The following AMER3 variants were observed in gnomAD, a reference collection of about 807,000 sequenced individuals.
The protein encoded by AMER3 is APC membrane recruitment protein 3.
For missense variants in AMER3, 1,201 were observed against 1,139.4 expected (o/e 1.05, Z -0.78); for synonymous variants, 541 against 485.5 (o/e 1.11, Z -1.50).
chr2:130,761,986 G>A (rs1368192786), intron 1 of AMER3, 68 bp from the exon 2 acceptor site: 1 of 1,420,976 alleles, frequency 7.0e-7, no homozygotes, highest in African/African-American at 1.4e-5. Context: ...GAGAGGGGTA[G>A]GCAGGGTCTT....
chr2:130,759,856 A>C (rs1276836096), intron 1 of AMER3, among the ~76,000 whole-genome samples: 1 of 152,176 alleles, frequency 6.6e-6, no homozygotes, highest in Non-Finnish European at 1.5e-5. Flanking sequence ...AATGGGGGTT[A>C]CAGTAGTTTG....
chr2:130,767,934 C>T lies in AMER3; in HGVS notation c.*3276C>T, dbSNP rs143203691. On this transcript the variant is annotated 3_prime_UTR_variant, in exon 2 of 2. Coordinates refer to ENST00000321420, the MANE Select transcript of AMER3 (RefSeq NM_152698.3). ...TCACTGAGCTCCTGCAGTGAAGTCC[C>T]CCCTCAGAGCCCTCAGCCCTTCCTG... The T allele has an allele frequency of 3.5e-3, 587 of 167,234 alleles. 6 individuals are homozygous for T. Among genetic ancestry groups the T allele is most frequent in the African/African-American group, 0.013 (549 of 41,556 alleles). 10.4% of individuals were successfully genotyped at this position (167,234 alleles called of 1,614,324 possible). A position where few individuals can be genotyped will look rare whatever the true frequency, so the allele number is the denominator to read the frequency against.
intron 1 of AMER3, chr2:130,756,217 C>G (rs1678602894): frequency 6.8e-6 from 1 of 147,920 alleles, no homozygotes; most frequent in Admixed American, 6.7e-5. Flanking sequence ...CCCGACCCCG[C>G]GGGGCCCCTG....
At position 130,764,621 on chromosome 2, in the gene AMER3, G is replaced by A. The variant is rs1311290823; in HGVS notation, c.2549G>A (p.Gly850Glu). Residue 850 changes from glycine (G) to glutamate (E), a missense_variant, in exon 2 of 2, where the codon GGG becomes GAG. Coordinates refer to ENST00000321420, the MANE Select transcript of AMER3 (RefSeq NM_152698.3). ...EGLLCGQPEV[G>E]ASGPAMAEPH... The stretch of plus-strand genomic sequence containing the variant: ...CTCCTCTGTGGCCAGCCAGAAGTGG[G>A]GGCCTCTGGGCCAGCCATGGCTGAG... 2 of 1,608,078 alleles carry A rather than the reference G, an allele frequency of 1.2e-6. No individual in the cohort carries two copies. The highest frequency in any genetic ancestry group is 1.7e-6 in the Non-Finnish European group (2 of 1,178,690).
intron 1 of AMER3, among the ~76,000 whole-genome samples, chr2:130,761,760 G>A (rs368814755): frequency 6.6e-6 from 1 of 152,178 alleles, no homozygotes; most frequent in Admixed American, 6.5e-5. Flanking sequence ...TTTGTAGAAC[G>A]CTGGGCACTC....
rs1395510683 is a variant in AMER3, at chr2:130,763,225, G to C, written c.1153G>C (p.Glu385Gln). The C allele has an allele frequency of 6.2e-7, 1 of 1,613,842 alleles. No individual in the cohort carries two copies. Among genetic ancestry groups the C allele is most frequent in the South Asian group, 1.1e-5 (1 of 91,078 alleles). The change falls in exon 2 of 2, where the codon GAG becomes CAG. Residue 385 changes from glutamate (E) to glutamine (Q), a missense_variant. Transcript: ENST00000321420. ...EQPESVSTSD[E>Q]GYYDSFSPGL... The stretch of plus-strand genomic sequence containing the variant: ...GCCCGAATCCGTGTCCACAAGTGAC[G>C]AGGGCTACTATGATTCCTTCTCGCC...
Position 130,763,047 on chromosome 2 carries a change from A to C in AMER3, c.975A>C (p.Leu325=). 1 of 1,612,966 alleles carries C rather than the reference A, an allele frequency of 6.2e-7. No individual in the cohort carries two copies. Among genetic ancestry groups the C allele is most frequent in the Admixed American group, 1.7e-5 (1 of 59,984 alleles). The change falls in exon 2 of 2, where the codon CTA becomes CTC. Residue 325 remains leucine, a synonymous_variant. Coordinates refer to ENST00000321420, the MANE Select transcript of AMER3 (RefSeq NM_152698.3). Reference sequence around the variant, plus strand: ...TGCGTCAGCAGCAGCGTGCCCTCCTAGGCCCGTGGCTTTCAGGCCCCCAGG... The same window carrying C: ...TGCGTCAGCAGCAGCGTGCCCTCCTCGGCCCGTGGCTTTCAGGCCCCCAGG... ...RSVRQQQRAL[L]GPWLSGPQGT...
In AMER3 at chr2:130,763,531, T is replaced by C; in HGVS notation, c.1459T>C (p.Ser487Pro). Reference protein sequence around the residue: ...DLLSQGFLQSSWKGKECLLKL... With the variant: ...DLLSQGFLQSPWKGKECLLKL... ...GCTCAGCCAGGGCTTCCTACAGAGCTCCTGGAAGGGCAAGGAGTGCCTGCT... is the reference window on the plus strand; with the variant it reads ...GCTCAGCCAGGGCTTCCTACAGAGCCCCTGGAAGGGCAAGGAGTGCCTGCT... The change falls in exon 2 of 2, where the codon TCC becomes CCC. Residue 487 changes from serine (S) to proline (P), a missense_variant. Coordinates refer to ENST00000321420, the MANE Select transcript of AMER3 (RefSeq NM_152698.3). 2 of 1,612,540 alleles carry C rather than the reference T, an allele frequency of 1.2e-6. No homozygotes were observed. The highest frequency in any genetic ancestry group is 2.2e-5 in the East Asian group (1 of 44,848).
chr2:130,761,039 T>C (rs1486731510), intron 1 of AMER3, among the ~76,000 whole-genome samples: 1 of 152,120 alleles, frequency 6.6e-6, no homozygotes, highest in Non-Finnish European at 1.5e-5. Flanking sequence ...CCTCAGTCCA[T>C]TGGGACTGCC....
At chr2:130,758,129 A>G (rs1678666429) in intron 1 of AMER3, among the ~76,000 whole-genome samples, 1 of 151,484 alleles carries the variant, frequency 6.6e-6, no homozygotes, top group Admixed American at 6.6e-5. Context: ...GCGAGATTCC[A>G]TCAAAAAAAC....
Position 130,762,133 on chromosome 2 carries a change from C to G in AMER3, c.61C>G (p.Pro21Ala). 1 of 1,610,602 alleles carries G rather than the reference C, an allele frequency of 6.2e-7. No individual in the cohort carries two copies. ...CAGCCTGCAGGTTTCCCACGAGAAA[C>G]CCCCAGACCCAGCAGCCGTGGCTGC... ...KSSLQVSHEK[P>A]PDPAAVAAAR... The change falls in exon 2 of 2, where the codon CCC becomes GCC. Residue 21 changes from proline (P) to alanine (A), a missense_variant. By Grantham distance (27) the Pro-to-Ala change is conservative. Transcript: ENST00000321420.
At chr2:130,761,070 C>G (rs979707212) in intron 1 of AMER3, among the ~76,000 whole-genome samples, 10 of 152,166 alleles carry the variant, frequency 6.6e-5, no homozygotes, top group African/African-American at 2.4e-4. Context: ...CCTCTCTGCT[C>G]ACAATTCATT....
At chr2:130,761,864 G>T (rs898384540) in intron 1 of AMER3, among the ~76,000 whole-genome samples, 190 bp from the exon 2 acceptor site, 1 of 152,208 alleles carries the variant, frequency 6.6e-6, no homozygotes, top group African/African-American at 2.4e-5. Flanking sequence ...CAGGCCCCAG[G>T]CAGCTCTCAT....
rs138907399 is a variant in AMER3, at chr2:130,762,683, C to T, written c.611C>T (p.Pro204Leu). ...CGGCGAAGCAAAGCCTTCCTCCCCC[C>T]GGGTGAGGGGCCGGGGCTGGACGGC... ...GGRRSKAFLPPGEGPGLDGLC... is the reference protein window; with the variant it reads ...GGRRSKAFLPLGEGPGLDGLC... The change falls in exon 2 of 2, where the codon CCG becomes CTG. Residue 204 changes from proline (P) to leucine (L), a missense_variant. Coordinates refer to ENST00000321420, the MANE Select transcript of AMER3 (RefSeq NM_152698.3). The T allele has an allele frequency of 1.4e-4, 232 of 1,611,394 alleles. No homozygotes were observed. In the African/African-American group the frequency reaches 2.1e-3, roughly 15 times the overall value.
In AMER3 at chr2:130,764,762, TG is replaced by T; in HGVS notation, c.*109del. 1 of 1,121,234 alleles carries T rather than the reference TG, an allele frequency of 8.9e-7. No individual in the cohort carries two copies. The highest frequency in any genetic ancestry group is 1.2e-6 in the Non-Finnish European group (1 of 821,256). The allele number at this position is 1,121,234 out of a possible 1,614,324, so 69.5% of individuals were successfully genotyped here. Reference sequence around the variant, plus strand: ...TTTGTCCCTGATGTGGGGACTGTGTTGGGGGTGGGGGGTGGCAGGACTCAGG... The same window carrying T: ...TTTGTCCCTGATGTGGGGACTGTGTTGGGGTGGGGGGTGGCAGGACTCAGG... On this transcript the variant is annotated 3_prime_UTR_variant, in exon 2 of 2. Transcript: ENST00000321420.
chr2:130,762,914 G>A lies in AMER3; in HGVS notation c.842G>A (p.Ser281Asn), dbSNP rs774360975. ...SPTQAAQGLE[S>N]KVPRGPLQGS... ...ACCCAGGCTGCTCAGGGCCTGGAGA[G>A]CAAGGTTCCCAGGGGCCCTCTCCAG... Residue 281 changes from serine (S) to asparagine (N), a missense_variant, in exon 2 of 2, where the codon AGC (serine) becomes AAC (asparagine). Transcript: ENST00000321420. 2.5e-6 allele frequency: 4 copies of A among 1,612,754 alleles called. No homozygotes were observed. Among genetic ancestry groups the A allele is most frequent in the Admixed American group, 3.3e-5 (2 of 60,006 alleles).
At position 130,764,538 on chromosome 2, in the gene AMER3, AG is replaced by A. The variant is rs757215528; in HGVS notation, c.2473del (p.Val825SerfsTer58). ...GCCTCACTTTGAACAGCCAGCAGGA[AG>A]GGGGGGTCTCTGCAAGTGCCCCAGA... Reference protein sequence around the residue: ...LGLTLNSQQEGGVSASAPECR... With the variant: ...LGLTLNSQQEXGVSASAPECR... On this transcript the variant is annotated frameshift_variant, in exon 2 of 2. Coordinates refer to ENST00000321420, the MANE Select transcript of AMER3 (RefSeq NM_152698.3). LOFTEE classifies it low-confidence loss of function (END_TRUNC). The A allele has an allele frequency of 8.1e-6, 13 of 1,604,132 alleles. No homozygotes were observed. The highest frequency in any genetic ancestry group is 1.7e-5 in the Admixed American group (1 of 58,690).
At chr2:130,757,233 AAGCAACCAGTAGAATAACTTCATTTGCC>A (rs1678637418) in intron 1 of AMER3, among the ~76,000 whole-genome samples, 2 of 152,196 alleles carry the variant, frequency 1.3e-5, no homozygotes, top group East Asian at 3.8e-4. Context: ...TCATGTAGAA[AAGCAACCAGTAGAATAACTTCATTTGCC>A]CAATTTGCAA....
rs1678890647 is a variant in AMER3, at chr2:130,763,789, G to T, written c.1717G>T (p.Gly573Cys). Residue 573 changes from glycine (G) to cysteine (C), a missense_variant, in exon 2 of 2, where the codon GGC (glycine) becomes TGC (cysteine). Physicochemically the swap from Gly to Cys is radical, Grantham distance 159 (BLOSUM62 -3). Transcript: ENST00000321420. ...PSRQELWAHP[G>C]TTGLLAGESK... ...CAGGCAGGAGCTGTGGGCACACCCG[G>T]GCACCACAGGCCTGCTCGCCGGAGA... 6.2e-7 allele frequency: 1 copy of T among 1,608,142 alleles called. No individual in the cohort carries two copies. Among genetic ancestry groups the T allele is most frequent in the Middle Eastern group, 1.7e-4 (1 of 6,038 alleles).
Sources: allele counts gnomAD v4.1 joint callset (sites outside exome capture counted in the v4.1 genomes callset), GRCh38; gene constraint gnomAD v4.1.1; transcripts MANE v1.5; gene names NCBI Gene and HGNC (gene_info 2026-07-23, HGNC 2026-07-21).